The following IQSEC2 variants were observed in gnomAD, a reference collection of about 807,000 sequenced individuals.
The protein encoded by IQSEC2 is IQ motif and SEC7 domain-containing protein 2.
A neutral mutation model predicts 74.6 loss-of-function variants in IQSEC2; 6 were observed. The observed-to-expected ratio is 0.08, with a 90% CI of 0.04 to 0.16. The LOEUF (loss-of-function observed/expected upper bound fraction) is 0.16, where lower values mean the gene tolerates loss of function less well. IQSEC2 is among the 10% of genes least tolerant of loss of function. The pLI is 1.00. For missense variants in IQSEC2, 734 were observed against 1,306.2 expected, an observed-to-expected ratio of 0.56 and a Z score of 6.75; for synonymous variants, 494 against 544.5, an observed-to-expected ratio of 0.91 and a Z score of 1.29.
chrX:53,249,716 C>A (rs1477124863), intron 5 of IQSEC2, among the ~76,000 whole-genome samples: 1 of 111,894 alleles, frequency 8.9e-6, no homozygotes, highest in African/African-American at 3.3e-5. Flanking sequence ...AATCAAATGT[C>A]ACACTCCCAC....
rs113560684 is a variant in IQSEC2 at position 53,266,415 on chromosome X, A to G, written c.738-10354T>C. The G allele has an allele frequency of 9.1e-4, 684 of 751,782 alleles. 1 individual carries two copies. Among genetic ancestry groups the G allele is most frequent in the Non-Finnish European group, 9.9e-4 (633 of 638,729 alleles). The allele number at this position is 751,782 out of a possible 1,213,427, so 62.0% of individuals were successfully genotyped here. ...CTTTTCCTCCTGATAATATTTACAG[A>G]GCACTATGGGAGTGGCAGAGGGCAT... On this transcript the variant is annotated intron_variant, in intron 2 of 14. Transcript: ENST00000642864.
At chrX:53,253,948 T>C (rs1432111771) in intron 4 of IQSEC2, among the ~76,000 whole-genome samples, 3 of 112,312 alleles carry the variant, frequency 2.7e-5, no homozygotes, top group African/African-American at 9.7e-5. Context: ...AGAACTTTTT[T>C]CTTATTTGTT....
chrX:53,240,894 C>A (rs938858571), intron 10 of IQSEC2, among the ~76,000 whole-genome samples: 2 of 109,839 alleles, frequency 1.8e-5, no homozygotes, highest in Non-Finnish European at 3.8e-5. Flanking sequence ...CCTGCCTTGG[C>A]CTCCCCAGTA....
chrX:53,320,521 C>T lies in IQSEC2; in HGVS notation c.603G>A (p.Glu201=). 15 of 1,158,339 alleles carry T rather than the reference C, an allele frequency of 1.3e-5. No homozygotes were observed. The highest frequency in any genetic ancestry group is 1.7e-5 in the Non-Finnish European group (15 of 869,221). The change falls in exon 1 of 15, where the codon GAG becomes GAA. Residue 201 remains glutamate (E), a synonymous_variant. Transcript: ENST00000642864. The stretch of plus-strand genomic sequence containing the variant: ...ATGCGCCACGGCTCAGCTGGCCCCG[C>T]TCCCGCGGTGGCCGCGGCCCCACGC... ...AVGVGPRPPR[E]RGQLSRGASR... is the part of the protein sequence containing the mutation.
chrX:53,293,121 G>A (rs1360939694), intron 1 of IQSEC2, among the ~76,000 whole-genome samples: 4 of 112,181 alleles, frequency 3.6e-5, no homozygotes, highest in African/African-American at 1.3e-4. Context: ...GTGGGCCTCA[G>A]AAGGGAGCAT....
chrX:53,251,262 G>T, intron 4 of IQSEC2, 88 bp from the exon 5 acceptor site: 1 of 990,657 alleles, frequency 1.0e-6, no homozygotes, highest in Non-Finnish European at 1.4e-6. Context: ...AATGAGGGAG[G>T]GAGGTAAGGA....
At chrX:53,244,339 A>C (rs1438545897) in intron 8 of IQSEC2, among the ~76,000 whole-genome samples, 1 of 111,273 alleles carries the variant, frequency 9.0e-6, no homozygotes, top group African/African-American at 3.3e-5. Context: ...CAACCTGGGC[A>C]ACATGGCAAA....
intron 1 of IQSEC2, among the ~76,000 whole-genome samples, chrX:53,317,089 G>A (rs1211817237): frequency 9.0e-6 from 1 of 111,592 alleles, no homozygotes; most frequent in Non-Finnish European, 1.9e-5. Flanking sequence ...CACTCTAGGT[G>A]GCAGGACTGC....
At chrX:53,294,781 C>T (rs1351597759) in intron 1 of IQSEC2, among the ~76,000 whole-genome samples, 1 of 112,128 alleles carries the variant, frequency 8.9e-6, no homozygotes. Context: ...ACCGATTTCT[C>T]CTGCTACTCC....
At chrX:53,256,155 C>G (rs1351771230) in intron 2 of IQSEC2, 94 bp from the exon 3 acceptor site, 3 of 857,032 alleles carry the variant, frequency 3.5e-6, no homozygotes, top group Non-Finnish European at 4.8e-6. Flanking sequence ...CCCTGCCCCC[C>G]ATCCCATCCA....
downstream of IQSEC2, chrX:53,226,512 G>C (rs1433868160): frequency 8.9e-6 from 1 of 112,710 alleles, no homozygotes; most frequent in African/African-American, 3.2e-5. Flanking sequence ...ATGAATAAAT[G>C]TCCTTAGTAT....
chrX:53,291,783 C>T (rs2075102820), intron 2 of IQSEC2, 112 bp downstream of exon 2: 1 of 663,912 alleles, frequency 1.5e-6, no homozygotes, highest in South Asian at 3.1e-5. Flanking sequence ...AGGGAAGACG[C>T]CCTTGAGTTG....
chrX:53,279,927 G>GAAGGA (rs2074920266), intron 2 of IQSEC2, among the ~76,000 whole-genome samples: 1 of 53,305 alleles, frequency 1.9e-5, no homozygotes, highest in African/African-American at 8.5e-5. Context: ...GGGAGGGAGG[G>GAAGGA]AGGGAGGAAG....
At chrX:53,287,453 C>T (rs781823538) in intron 2 of IQSEC2, among the ~76,000 whole-genome samples, 8 of 112,878 alleles carry the variant, frequency 7.1e-5, no homozygotes, top group Non-Finnish European at 1.5e-4. Context: ...CAGCAACAAA[C>T]GCAGCAGCAA....
Position 53,248,255 on chromosome X carries a change from G to A in IQSEC2, c.2460-19C>T. ...CACACAGCTAAGGAGCAAAGAAGGA[G>A]GTGTGGCGCTTTCAATTCCTCTGCA... On this transcript the variant is annotated intron_variant, in intron 6 of 14. Transcript: ENST00000642864. 5 of 1,206,588 alleles carry A rather than the reference G, an allele frequency of 4.1e-6. No homozygotes were observed. Among genetic ancestry groups the A allele is most frequent in the Non-Finnish European group, 5.6e-6 (5 of 892,799 alleles).
At chrX:53,256,844 G>A (rs976526061) in intron 2 of IQSEC2, among the ~76,000 whole-genome samples, 3 of 112,601 alleles carry the variant, frequency 2.7e-5, no homozygotes, top group Non-Finnish European at 3.8e-5. Flanking sequence ...TCAGCTGGGG[G>A]AAGGGGGCAG....
downstream of IQSEC2, chrX:53,228,857 A>G (rs1458622116): frequency 8.9e-6 from 1 of 112,411 alleles, no homozygotes; most frequent in East Asian, 2.8e-4. Context: ...GTATAGAAAT[A>G]TAGATGTATA....
chrX:53,295,802 G>A (rs1019236643), intron 1 of IQSEC2, among the ~76,000 whole-genome samples: 4 of 109,928 alleles, frequency 3.6e-5, no homozygotes, highest in Admixed American at 2.9e-4. Context: ...CATGCTCCAA[G>A]CCACCCATAA....
chrX:53,310,226 C>A (rs1157597761), intron 1 of IQSEC2, among the ~76,000 whole-genome samples: 1 of 109,392 alleles, frequency 9.1e-6, no homozygotes, highest in African/African-American at 3.3e-5. Context: ...TCTGTCTCTA[C>A]AAAAAAAATT....
Sources: allele counts gnomAD v4.1 joint callset (sites outside exome capture counted in the v4.1 genomes callset), GRCh38; gene constraint gnomAD v4.1.1; transcripts MANE v1.5; gene names NCBI Gene and HGNC (gene_info 2026-07-23, HGNC 2026-07-21).